AGAP1: variants seen among roughly 807,000 people sequenced by gnomAD.
AGAP1 encodes arf-GAP with GTPase, ANK repeat and PH domain-containing protein 1.
AGAP1 carries 29 observed loss-of-function variants against 105.3 expected under a neutral mutation model. The observed-to-expected ratio is 0.28, with a 90% CI of 0.21 to 0.38. The LOEUF (loss-of-function observed/expected upper bound fraction) is 0.38, where lower values mean the gene tolerates loss of function less well. AGAP1 is among the 10% of genes least tolerant of loss of function. The pLI is 1.00. For missense variants in AGAP1, 998 were observed against 1,165.1 expected (o/e 0.86, Z 2.09); for synonymous variants, 509 against 485.9 (o/e 1.05, Z -0.63).
At position 236,082,133 on chromosome 2, in the gene AGAP1, T is replaced by C. The variant is rs1381504261; in HGVS notation, c.2114+32852T>C. ...CCCTTTTCTTTCCCCCGATCACATTTGCTAGATGTCCATTTCTGTAAGTTT... is the reference window on the plus strand; with the variant it reads ...CCCTTTTCTTTCCCCCGATCACATTCGCTAGATGTCCATTTCTGTAAGTTT... On this transcript the variant is annotated intron_variant, in intron 16 of 17. Coordinates refer to ENST00000304032, the MANE Select transcript of AGAP1 (RefSeq NM_001037131.3). The surrounding 1 kb of genome is among the most constrained non-coding windows in gnomAD (Gnocchi z 4.2). Among the ~76,000 whole-genome samples, 1 of 152,226 alleles carries C rather than the reference T, an allele frequency of 6.6e-6. No individual in the cohort carries two copies. Among genetic ancestry groups the C allele is most frequent in the Non-Finnish European group, 1.5e-5 (1 of 68,042 alleles).
rs189453327 is a variant in AGAP1, at chr2:235,979,743, A to G, written c.1645+11120A>G. ...AATATGAAAATCTATCAAATGGGTA[A>G]AATCAATGACATTGTATCAGAGTTC... On this transcript the variant is annotated intron_variant, in intron 13 of 17. Coordinates refer to ENST00000304032, the MANE Select transcript of AGAP1 (RefSeq NM_001037131.3). The surrounding 1 kb of genome is among the most constrained non-coding windows in gnomAD (Gnocchi z 4.5). 1.9e-3 allele frequency among the ~76,000 whole-genome samples: 285 copies of G among 152,338 alleles called. 1 individual carries two copies. The highest frequency in any genetic ancestry group is 3.2e-3 in the Non-Finnish European group (215 of 68,022).
At chr2:236,081,078 T>C (rs2125834060) in intron 16 of AGAP1, among the ~76,000 whole-genome samples, 1 of 152,308 alleles carries the variant, frequency 6.6e-6, no homozygotes, top group Non-Finnish European at 1.5e-5. Context: ...GTGGCCCATG[T>C]CATCAAACCC....
rs143449103 is a variant in AGAP1 at position 235,599,485 on chromosome 2, C to T, written c.163+104636C>T. Among the ~76,000 whole-genome samples, 47 of 152,272 alleles carry T rather than the reference C, an allele frequency of 3.1e-4. No homozygotes were observed. Among genetic ancestry groups the T allele is most frequent in the Non-Finnish European group, 6.2e-4 (42 of 68,026 alleles). ...CAGTTATGTGTGATGTGGGAAATGA[C>T]TGCAAAGCTATCTTACTCTTTATTC... is the stretch of plus-strand genomic sequence containing the variant. On this transcript the variant is annotated intron_variant, in intron 1 of 17. Coordinates refer to ENST00000304032, the MANE Select transcript of AGAP1 (RefSeq NM_001037131.3). This position sits in a 1 kb window ranked among gnomAD's most constrained non-coding sequence, Gnocchi z 5.3.
chr2:235,806,092 T>A (rs781543320), intron 8 of AGAP1, among the ~76,000 whole-genome samples: 1 of 152,238 alleles, frequency 6.6e-6, no homozygotes, highest in Non-Finnish European at 1.5e-5. Context: ...GTTTGTATTA[T>A]GACCCATGAC....
At chr2:235,647,084 C>T (rs1947414425) in intron 1 of AGAP1, among the ~76,000 whole-genome samples, 1 of 146,176 alleles carries the variant, frequency 6.8e-6, no homozygotes, top group Non-Finnish European at 1.5e-5. Context: ...TGCAGTGAAC[C>T]GAGATTGCGC....
chr2:235,938,936 T>C (rs1196795820), intron 12 of AGAP1, among the ~76,000 whole-genome samples: 1 of 152,104 alleles, frequency 6.6e-6, no homozygotes, highest in Non-Finnish European at 1.5e-5. Flanking sequence ...GCTAGAGATC[T>C]AGTCCATTTG....
chr2:235,844,541 C>T (rs550679478), intron 9 of AGAP1, among the ~76,000 whole-genome samples: 63 of 152,270 alleles, frequency 4.1e-4, no homozygotes, highest in African/African-American at 1.5e-3. Flanking sequence ...GAAATAGTCC[C>T]CAAGTCACCA....
At chr2:235,603,288 C>G (rs1329085460) in intron 1 of AGAP1, among the ~76,000 whole-genome samples, 1 of 152,318 alleles carries the variant, frequency 6.6e-6, no homozygotes, top group South Asian at 2.1e-4. Flanking sequence ...GCCTCCCCAG[C>G]CACTTGGAAC....
intron 8 of AGAP1, among the ~76,000 whole-genome samples, chr2:235,802,834 A>T (rs1176774920): frequency 1.3e-5 from 1 of 78,768 alleles, no homozygotes; most frequent in Non-Finnish European, 2.5e-5. Flanking sequence ...GGTTGTGATG[A>T]TGGTTATGGT....
chr2:235,898,937 G>T (rs536978473), intron 10 of AGAP1, among the ~76,000 whole-genome samples: 1 of 152,312 alleles, frequency 6.6e-6, no homozygotes, highest in Non-Finnish European at 1.5e-5. Context: ...TGATTCATTT[G>T]AATGGAATCT....
chr2:235,686,652 T>G lies in AGAP1; in HGVS notation c.164-22527T>G, dbSNP rs867721367. On this transcript the variant is annotated intron_variant, in intron 1 of 17. Transcript: ENST00000304032. The stretch of plus-strand genomic sequence containing the variant: ...ATATATATATATATATATAGATATA[T>G]ATATATATATATATTTTTTTTTTTT... Among the ~76,000 whole-genome samples, 482 of 56,192 alleles carry G rather than the reference T, an allele frequency of 8.6e-3. 17 individuals are homozygous for G. The highest frequency in any genetic ancestry group is 0.011 in the Non-Finnish European group (367 of 32,756). 36.9% of individuals were successfully genotyped at this position (56,192 alleles called of 152,430 possible).
intron 15 of AGAP1, 62 bp from the exon 16 acceptor site, chr2:236,048,997 G>A: frequency 6.8e-7 from 1 of 1,472,540 alleles, no homozygotes; most frequent in Non-Finnish European, 9.4e-7. Flanking sequence ...GTGTTTCTAA[G>A]AACGGTTGGA....
In AGAP1 at chr2:235,882,332, G is replaced by T; in HGVS notation, c.1051-1013G>T. On this transcript the variant is annotated intron_variant, in intron 9 of 17. Coordinates refer to ENST00000304032, the MANE Select transcript of AGAP1 (RefSeq NM_001037131.3). The surrounding 1 kb of genome is among the most constrained non-coding windows in gnomAD (Gnocchi z 4.6). ...TCCACATCACAACTGGGGTCTTAAG[G>T]ATGACGAGGGCAGGAAATCCTCCGG... The T allele has an allele frequency of 1.9e-6, 2 of 1,033,178 alleles. No individual in the cohort carries two copies. The highest frequency in any genetic ancestry group is 2.9e-6 in the Non-Finnish European group (2 of 697,488). 64.0% of individuals were successfully genotyped at this position (1,033,178 alleles called of 1,614,324 possible). A position where few individuals can be genotyped will look rare whatever the true frequency, so the allele number is the denominator to read the frequency against.
intron 1 of AGAP1, among the ~76,000 whole-genome samples, chr2:235,560,165 G>A (rs1306750874): frequency 6.6e-6 from 1 of 152,134 alleles, no homozygotes; most frequent in Non-Finnish European, 1.5e-5. Flanking sequence ...TGTATATGGT[G>A]TAAGATGGGG....
chr2:235,823,880 C>T (rs1958935285), intron 9 of AGAP1, among the ~76,000 whole-genome samples: 2 of 152,072 alleles, frequency 1.3e-5, no homozygotes, highest in Non-Finnish European at 2.9e-5. Flanking sequence ...TCATTGATTC[C>T]CAGCAGTCCT....
At chr2:235,941,903 G>A (rs542509290) in intron 12 of AGAP1, among the ~76,000 whole-genome samples, 33 of 152,196 alleles carry the variant, frequency 2.2e-4, no homozygotes, top group African/African-American at 6.3e-4. Flanking sequence ...AGGAAGGAGC[G>A]TTCCAGCCCG....
chr2:235,764,177 TACAG>T (rs941107499), intron 6 of AGAP1, among the ~76,000 whole-genome samples: 1 of 152,230 alleles, frequency 6.6e-6, no homozygotes, highest in African/African-American at 2.4e-5. Context: ...ATGAGCACCT[TACAG>T]ACAAATATCT....
At chr2:235,933,453 C>T (rs957963903) in intron 12 of AGAP1, among the ~76,000 whole-genome samples, 5 of 152,036 alleles carry the variant, frequency 3.3e-5, no homozygotes, top group African/African-American at 1.2e-4. Flanking sequence ...GAGCAAAGAT[C>T]CAGAAAGACA....
At chr2:235,516,076 G>GCTGCTGCTGCTGCTGCTGCTGCTT (rs1006757599) in intron 1 of AGAP1, among the ~76,000 whole-genome samples, 5,213 of 140,398 alleles carry the variant, frequency 0.037, 345 homozygotes, top group African/African-American at 0.12. Flanking sequence ...TGCTGCTGCT[G>GCTGCTGCTGCTGCTGCTGCTGCTT]CTGCTGCTGC....
Sources: gnomAD v4.1 joint callset for allele counts (sites outside exome capture counted in the v4.1 genomes callset) on GRCh38, gnomAD v4.1.1 for gene constraint, Gnocchi (gnomAD v3.1) non-coding constraint, MANE v1.5 for transcripts, NCBI Gene and HGNC (gene_info 2026-07-23, HGNC 2026-07-21) for gene names.